The following ZNF423 variants were observed in gnomAD, a reference collection of about 807,000 sequenced individuals.
ZNF423 encodes the protein zinc finger protein 423.
ZNF423 carries 12 observed loss-of-function variants against 95.8 expected under a neutral mutation model. That is an observed-to-expected ratio of 0.13 (90% CI 0.08 to 0.20). The LOEUF (loss-of-function observed/expected upper bound fraction) is 0.20. Among genes scored for constraint, ZNF423 ranks in the 10% least tolerant of loss-of-function variants. ZNF423 has a pLI of 1.00. For synonymous variants in ZNF423, 749 were observed against 711.9 expected (o/e 1.05, Z -0.83); for missense variants, 1,316 against 1,737.1 (o/e 0.76, Z 4.31).
chr16:49,834,947 AAG>A (rs1037075419), intron 1 of ZNF423, among the ~76,000 whole-genome samples: 9 of 151,884 alleles, frequency 5.9e-5, no homozygotes, highest in Non-Finnish European at 1.2e-4. Context: ...GGACCAGGGG[AAG>A]ATGCCTGGAA....
At chr16:49,540,314 A>G (rs1969203606) in intron 5 of ZNF423, among the ~76,000 whole-genome samples, 1 of 152,194 alleles carries the variant, frequency 6.6e-6, no homozygotes, top group Admixed American at 6.5e-5. Flanking sequence ...TCTGTTTTTA[A>G]GACAGGCTAG....
intron 1 of ZNF423, among the ~76,000 whole-genome samples, chr16:49,826,306 A>G (rs1033772011): frequency 8.5e-5 from 13 of 152,224 alleles, no homozygotes; most frequent in African/African-American, 2.9e-4. Flanking sequence ...AGAGGACTCA[A>G]AGAGAACCTT....
intron 5 of ZNF423, among the ~76,000 whole-genome samples, chr16:49,625,809 G>T (rs1204952761): frequency 6.6e-6 from 1 of 152,252 alleles, no homozygotes; most frequent in Admixed American, 6.5e-5. Flanking sequence ...TCACCATGTT[G>T]AGTAGGGAAA....
At chr16:49,854,793 T>A in intron 1 of ZNF423, 2 of 985,246 alleles carry the variant, frequency 2.0e-6, no homozygotes, top group Non-Finnish European at 2.4e-6. Flanking sequence ...GGGCCCTCGC[T>A]GGAAATAGAA....
intron 5 of ZNF423, among the ~76,000 whole-genome samples, chr16:49,532,903 G>A (rs1968907332): frequency 6.6e-6 from 1 of 152,186 alleles, no homozygotes; most frequent in African/African-American, 2.4e-5. Context: ...CATCGCATGT[G>A]CAAACGAACG....
chr16:49,842,935 C>T (rs539394575), intron 1 of ZNF423, among the ~76,000 whole-genome samples: 2 of 149,200 alleles, frequency 1.3e-5, no homozygotes, highest in East Asian at 2.0e-4. Flanking sequence ...GGCAAGATCA[C>T]GCCATTGCAC....
intron 2 of ZNF423, among the ~76,000 whole-genome samples, chr16:49,773,446 C>T (rs1002343829): frequency 6.6e-6 from 1 of 152,168 alleles, no homozygotes; most frequent in Non-Finnish European, 1.5e-5. Flanking sequence ...CCACCTGACA[C>T]ATGGGGATTT....
intron 5 of ZNF423, among the ~76,000 whole-genome samples, chr16:49,556,003 A>G (rs1361245051): frequency 6.6e-6 from 1 of 152,178 alleles, no homozygotes; most frequent in Admixed American, 6.5e-5. Context: ...GGCTGCTCCC[A>G]TCAAAACTAC....
intron 3 of ZNF423, among the ~76,000 whole-genome samples, chr16:49,701,347 C>T (rs563920602): frequency 6.6e-6 from 1 of 152,166 alleles, no homozygotes; most frequent in African/African-American, 2.4e-5. Flanking sequence ...AGCAGCCAGC[C>T]TTGATATTTC....
intron 5 of ZNF423, among the ~76,000 whole-genome samples, chr16:49,534,069 T>C (rs1366100421): frequency 6.6e-6 from 1 of 152,022 alleles, no homozygotes; most frequent in Admixed American, 6.6e-5. Context: ...GCCCAGGACT[T>C]TGAGGTTACA....
At chr16:49,831,932 C>G (rs2035065063) in intron 1 of ZNF423, among the ~76,000 whole-genome samples, 1 of 149,066 alleles carries the variant, frequency 6.7e-6, no homozygotes, top group Non-Finnish European at 1.5e-5. Flanking sequence ...ACCAAGGAGG[C>G]AGAGGTTGCA....
chr16:49,543,875 C>A (rs1969345927), intron 5 of ZNF423, among the ~76,000 whole-genome samples: 1 of 152,224 alleles, frequency 6.6e-6, no homozygotes, highest in Admixed American at 6.5e-5. Context: ...TCGCTGACCT[C>A]TCTGAATCTC....
rs185611499 is a variant in ZNF423 at position 49,776,240 on chromosome 16, G to C, written c.100+13247C>G. 2.2e-3 allele frequency among the ~76,000 whole-genome samples: 342 copies of C among 152,336 alleles called. 1 individual carries two copies. Among genetic ancestry groups the C allele is most frequent in the African/African-American group, 7.9e-3 (328 of 41,574 alleles). ...CCAGGCCAAGCGGAGCTGGAGCAGC[G>C]GTCACAGAACAGGAACGCTGAGCCG... On this transcript the variant is annotated intron_variant, in intron 2 of 7. Coordinates refer to ENST00000563137, the MANE Select transcript of ZNF423 (RefSeq NM_001379286.1).
intron 3 of ZNF423, among the ~76,000 whole-genome samples, chr16:49,699,991 C>T (rs946325034): frequency 7.2e-5 from 11 of 152,050 alleles, no homozygotes; most frequent in Non-Finnish European, 1.2e-4. Flanking sequence ...CTGCAGCCCT[C>T]AGAAGACAGG....
At chr16:49,599,052 G>A (rs577386203) in intron 5 of ZNF423, among the ~76,000 whole-genome samples, 89 of 152,138 alleles carry the variant, frequency 5.8e-4, no homozygotes, top group Admixed American at 9.2e-4. Context: ...CAGGCACCCC[G>A]GGCTCAGCAG....
At chr16:49,664,430 A>T (rs1347552530) in intron 3 of ZNF423, among the ~76,000 whole-genome samples, 1 of 152,204 alleles carries the variant, frequency 6.6e-6, no homozygotes, top group South Asian at 2.1e-4. Flanking sequence ...CCACGCGGCC[A>T]GATGTTGACC....
intron 3 of ZNF423, among the ~76,000 whole-genome samples, chr16:49,662,750 A>C (rs992526776): frequency 1.3e-5 from 2 of 152,222 alleles, no homozygotes; most frequent in South Asian, 4.1e-4. Flanking sequence ...AGAAGCAAAC[A>C]AGGCAGCAGG....
At chr16:49,609,877 G>C (rs1778197274) in intron 5 of ZNF423, among the ~76,000 whole-genome samples, 1 of 152,112 alleles carries the variant, frequency 6.6e-6, no homozygotes, top group South Asian at 2.1e-4. Flanking sequence ...TCCACACCAA[G>C]ACAAATCATA....
intron 5 of ZNF423, among the ~76,000 whole-genome samples, chr16:49,580,783 C>T (rs1006804153): frequency 2.0e-5 from 3 of 152,090 alleles, no homozygotes; most frequent in East Asian, 1.9e-4. Flanking sequence ...TTTCATAAAG[C>T]CTAATAAAAT....
Sources: gnomAD v4.1 joint callset for allele counts (sites outside exome capture counted in the v4.1 genomes callset) on GRCh38, gnomAD v4.1.1 for gene constraint, MANE v1.5 for transcripts, NCBI Gene and HGNC (gene_info 2026-07-23, HGNC 2026-07-21) for gene names.